Variants in RALGAPA2 observed in about 807,000 individuals in gnomAD.
The protein encoded by RALGAPA2 is Ral GTPase activating protein catalytic subunit alpha 2, also known as ral GTPase-activating protein subunit alpha-2.
Under a neutral mutation model 230.4 loss-of-function variants are expected in RALGAPA2, and 139 were observed. That is an observed-to-expected ratio of 0.60 (90% CI 0.53 to 0.69). The LOEUF (loss-of-function observed/expected upper bound fraction) is 0.69, where lower values mean the gene tolerates loss of function less well. RALGAPA2 is among the 30% of genes least tolerant of loss of function. The pLI is 0.00. For synonymous variants in RALGAPA2, 847 were observed against 837.8 expected, an observed-to-expected ratio of 1.01 and a Z score of -0.19; for missense variants, 2,163 against 2,276.0, an observed-to-expected ratio of 0.95 and a Z score of 1.01.
rs2059584134 is a variant in RALGAPA2, at chr20:20,390,342, T to C, written c.*2947A>G. The C allele has an allele frequency of 1.3e-5, 2 of 152,226 alleles. No homozygotes were observed. The highest frequency in any genetic ancestry group is 4.8e-5 in the African/African-American group (2 of 41,460). 9.4% of individuals were successfully genotyped at this position (152,226 alleles called of 1,614,324 possible). A position where few individuals can be genotyped will look rare whatever the true frequency, so the allele number is the denominator to read the frequency against. Reference sequence around the variant, plus strand: ...ACTTTGTTGCTGAGGCAACCCAGGCTAAATTTCTTCACTTCTGTCTGCTGA... The same window carrying C: ...ACTTTGTTGCTGAGGCAACCCAGGCCAAATTTCTTCACTTCTGTCTGCTGA... On this transcript the variant is annotated 3_prime_UTR_variant, in exon 40 of 40. Transcript: ENST00000202677.
At chr20:20,548,976 A>G (rs2063848833) in intron 23 of RALGAPA2, among the ~76,000 whole-genome samples, 1 of 152,238 alleles carries the variant, frequency 6.6e-6, no homozygotes, top group African/African-American at 2.4e-5. Context: ...AAGATTAATA[A>G]TGCAAACAAC....
chr20:20,516,895 G>GAGTCCC (rs1451941539), intron 31 of RALGAPA2, among the ~76,000 whole-genome samples: 3 of 152,230 alleles, frequency 2.0e-5, no homozygotes, highest in African/African-American at 7.2e-5. Context: ...AGCAGGTCTT[G>GAGTCCC]AGTCCCACAT....
intron 1 of RALGAPA2, among the ~76,000 whole-genome samples, chr20:20,708,559 C>T (rs1335291968): frequency 1.3e-5 from 2 of 152,202 alleles, no homozygotes; most frequent in African/African-American, 2.4e-5. Flanking sequence ...TCTCATTCAC[C>T]TTCTGCCATG....
intron 20 of RALGAPA2, among the ~76,000 whole-genome samples, chr20:20,576,615 A>C (rs1024266533): frequency 5.9e-5 from 9 of 152,044 alleles, no homozygotes; most frequent in Non-Finnish European, 1.2e-4. Flanking sequence ...ATGGTCTCTA[A>C]TTATGTTTTT....
At chr20:20,637,622 A>G (rs1322036312) in intron 7 of RALGAPA2, 121 bp from the exon 8 acceptor site, 62 of 862,634 alleles carry the variant, frequency 7.2e-5, no homozygotes, top group Non-Finnish European at 8.7e-6. Flanking sequence ...GACAAATAAT[A>G]TTGACAATCA....
chr20:20,676,128 T>C, intron 3 of RALGAPA2, 108 bp downstream of exon 3: 1 of 696,010 alleles, frequency 1.4e-6, no homozygotes, highest in Non-Finnish European at 2.3e-6. Context: ...GAAAAAAATA[T>C]ATGTCCACCA....
intron 20 of RALGAPA2, among the ~76,000 whole-genome samples, chr20:20,578,750 A>G (rs1020464456): frequency 6.6e-6 from 1 of 152,170 alleles, no homozygotes; most frequent in Non-Finnish European, 1.5e-5. Flanking sequence ...CCTGAGTGAA[A>G]CAACTTAATT....
Position 20,643,431 on chromosome 20 carries a change from C to G in RALGAPA2, c.372+75G>C, listed in dbSNP as rs1012073554. 3.8e-6 allele frequency: 5 copies of G among 1,327,468 alleles called. No individual in the cohort carries two copies. In the African/African-American group the frequency reaches 7.5e-5, roughly 20 times the overall value. 82.2% of individuals were successfully genotyped at this position (1,327,468 alleles called of 1,614,324 possible). A position where few individuals can be genotyped will look rare whatever the true frequency, so the allele number is the denominator to read the frequency against. ...TTCTAAAGATCTTTTTTCCAAAATG[C>G]CCTAACATTGTTACTTTGTGGCATT... On this transcript the variant is annotated intron_variant, in intron 5 of 39. Transcript: ENST00000202677.
chr20:20,550,308 T>A (rs1312194349), intron 23 of RALGAPA2, among the ~76,000 whole-genome samples: 1 of 152,214 alleles, frequency 6.6e-6, no homozygotes, highest in African/African-American at 2.4e-5. Flanking sequence ...TTTATGTGTA[T>A]CCTTTCTCAT....
intron 37 of RALGAPA2, among the ~76,000 whole-genome samples, chr20:20,423,435 C>A (rs545893013): frequency 6.6e-6 from 1 of 152,106 alleles, no homozygotes; most frequent in Non-Finnish European, 1.5e-5. Context: ...ATGGAGGGAG[C>A]GGGAGACAGC....
chr20:20,405,625 A>C (rs1365105035), intron 38 of RALGAPA2, among the ~76,000 whole-genome samples: 1 of 152,354 alleles, frequency 6.6e-6, no homozygotes. Context: ...AAGTGGTGCT[A>C]AACAAGGTGA....
At chr20:20,503,610 ATATC>A in intron 34 of RALGAPA2, 104 bp from the exon 35 acceptor site, 3 of 959,240 alleles carry the variant, frequency 3.1e-6, no homozygotes, top group South Asian at 3.6e-5. Context: ...TTTCGTTTTT[ATATC>A]TTTCTTTCTG....
intron 10 of RALGAPA2, among the ~76,000 whole-genome samples, chr20:20,629,068 G>T: frequency 6.6e-6 from 1 of 151,678 alleles, no homozygotes; most frequent in African/African-American, 2.4e-5. Context: ...CCTAACTCTG[G>T]GTTTACTTTG....
At position 20,427,349 on chromosome 20, in the gene RALGAPA2, G is replaced by C. The variant is rs578126148; in HGVS notation, c.5496-15201C>G. 3.9e-5 allele frequency among the ~76,000 whole-genome samples: 6 copies of C among 152,242 alleles called. No homozygotes were observed. In the East Asian group the frequency reaches 1.2e-3, roughly 29 times the overall value. On this transcript the variant is annotated intron_variant, in intron 37 of 39. Coordinates refer to ENST00000202677, the MANE Select transcript of RALGAPA2 (RefSeq NM_020343.4). ...CAGTGAGAGAAATCCCTGTGGGTTAGAGCAGAGGCGGGAGTGACAGTTTCA... is the reference window on the plus strand; with the variant it reads ...CAGTGAGAGAAATCCCTGTGGGTTACAGCAGAGGCGGGAGTGACAGTTTCA...
chr20:20,694,843 C>T (rs897253540), intron 1 of RALGAPA2, among the ~76,000 whole-genome samples: 2 of 152,122 alleles, frequency 1.3e-5, no homozygotes, highest in Non-Finnish European at 2.9e-5. Flanking sequence ...GCACGTTCAC[C>T]GGGATTTCAG....
At chr20:20,504,971 G>C in intron 34 of RALGAPA2, 2 of 981,060 alleles carry the variant, frequency 2.0e-6, no homozygotes, top group South Asian at 4.7e-5. Context: ...TAGGTTGATA[G>C]CTAAACCATC....
intron 18 of RALGAPA2, among the ~76,000 whole-genome samples, chr20:20,586,102 T>G (rs1034787892): frequency 1.3e-5 from 2 of 152,190 alleles, no homozygotes; most frequent in South Asian, 2.1e-4. Context: ...AAAAACAGAA[T>G]GTAGACTCTT....
At chr20:20,478,259 G>A (rs1366786793) in intron 36 of RALGAPA2, among the ~76,000 whole-genome samples, 3 of 152,136 alleles carry the variant, frequency 2.0e-5, no homozygotes, top group African/African-American at 7.2e-5. Context: ...ATACCTTATA[G>A]CAGTACTTAC....
Position 20,524,560 on chromosome 20 carries a change from C to T in RALGAPA2, c.3763-17G>A. 1.2e-6 allele frequency: 2 copies of T among 1,613,580 alleles called. No individual in the cohort carries two copies. The highest frequency in any genetic ancestry group is 1.7e-6 in the Non-Finnish European group (2 of 1,179,734). ...CACAATAAACTGGAAGAAGAACATG[C>T]CCGGTAGCTTATGCTGCAGTCTCTT... On this transcript the variant is annotated splice_polypyrimidine_tract_variant and intron_variant, in intron 29 of 39. Transcript: ENST00000202677.
Sources: allele counts gnomAD v4.1 joint callset (sites outside exome capture counted in the v4.1 genomes callset), GRCh38; gene constraint gnomAD v4.1.1; transcripts MANE v1.5; gene names NCBI Gene and HGNC (gene_info 2026-07-23, HGNC 2026-07-21).